Variants in ADH1B observed in about 807,000 individuals in gnomAD.
The protein encoded by ADH1B is alcohol dehydrogenase 1B (class I), beta polypeptide.
In ADH1B, 29 loss-of-function variants were observed where a neutral mutation model predicts 34.6. That is an observed-to-expected ratio of 0.84 (90% CI 0.62 to 1.14). The LOEUF (loss-of-function observed/expected upper bound fraction) is 1.14, where lower values mean the gene tolerates loss of function less well. Ranked by LOEUF, ADH1B falls within the 50% of genes most tolerant of loss-of-function variation. The probability of loss-of-function intolerance (pLI) is 0.00; values close to 1 mark genes in which losing one functional copy is unlikely to be tolerated. For missense variants in ADH1B, 424 were observed against 468.4 expected (o/e 0.91, Z 0.87); for synonymous variants, 170 against 175.5 (o/e 0.97, Z 0.25).
chr4:99,315,885 T>C lies in ADH1B; in HGVS notation c.567+13A>G. 3 of 1,614,180 alleles carry C rather than the reference T, an allele frequency of 1.9e-6. No individual in the cohort carries two copies. The highest frequency in any genetic ancestry group is 2.5e-6 in the Non-Finnish European group (3 of 1,180,000). On this transcript the variant is annotated intron_variant, in intron 5 of 8. Transcript: ENST00000305046. ...TGCATGTAAGCAGTTTTATCACCCA[T>C]TGTCATTCTCACCTTGGCAACGTTA...
Position 99,310,764 on chromosome 4 carries a change from C to T in ADH1B, c.1103+1G>A. The T allele has an allele frequency of 6.2e-7, 1 of 1,606,306 alleles. No individual in the cohort carries two copies. Among genetic ancestry groups the T allele is most frequent in the South Asian group, 1.1e-5 (1 of 89,158 alleles). ...AAACAGAAAACTAACTTAAAATCTA[C>T]CTTTTCCCAGAGTGAAGCAGGTCAA... On this transcript the variant is annotated splice_donor_variant, in intron 8 of 8. Coordinates refer to ENST00000305046, the MANE Select transcript of ADH1B (RefSeq NM_000668.6). LOFTEE classifies it high-confidence loss of function.
chr4:99,321,285 T>G (rs1734020354), intron 1 of ADH1B, 29 bp downstream of exon 1: 1 of 1,589,374 alleles, frequency 6.3e-7, no homozygotes, highest in Non-Finnish European at 8.6e-7. Context: ...TGAGAATATA[T>G]TACCAACAGT....
At chr4:99,311,819 T>C (rs370413008) in intron 6 of ADH1B, among the ~76,000 whole-genome samples, 163 bp from the exon 7 acceptor site, 2 of 152,238 alleles carry the variant, frequency 1.3e-5, no homozygotes, top group South Asian at 2.1e-4. Flanking sequence ...GATAGTGCTG[T>C]GGATTCAGGA....
At position 99,313,948 on chromosome 4, in the gene ADH1B, T is replaced by C. The variant is rs1339187091; in HGVS notation, c.701A>G (p.Lys234Arg). 6.2e-7 allele frequency: 1 copy of C among 1,614,048 alleles called. No homozygotes were observed. Among genetic ancestry groups the C allele is most frequent in the African/African-American group, 1.3e-5 (1 of 74,918 alleles). The change falls in exon 6 of 9, where the codon AAA becomes AGA. Residue 234 changes from lysine (K) to arginine (R), a missense_variant. Lys to Arg is a conservative substitution (Grantham distance 26). Around this residue, in one of 3 missense-constraint regions of ADH1B, gnomAD observed 291 missense variants for 300.4 expected, o/e 0.97. Transcript: ENST00000305046. ...GATGCATTCAGTGGCACCCAACTCT[T>C]TGGCCTTTGCAAATTTGTCCTTGTT... ...DINKDKFAKA[K>R]ELGATECINP...
At position 99,317,773 on chromosome 4, in the gene ADH1B, C is replaced by G. The variant is rs1205823224; in HGVS notation, c.259+273G>C. The G allele has an allele frequency of 1.8e-5, 8 of 443,126 alleles. No homozygotes were observed. The East Asian group carries it at 2.9e-4, about 16-fold the overall frequency. 27.4% of individuals were successfully genotyped at this position (443,126 alleles called of 1,614,324 possible). A position where few individuals can be genotyped will look rare whatever the true frequency, so the allele number is the denominator to read the frequency against. ...TGCCACACTGGTAGGCACTGTGTCT[C>G]TTTTGATCCTCACATATCTCCAGGC... On this transcript the variant is annotated intron_variant, in intron 3 of 8. Transcript: ENST00000305046.
chr4:99,311,025 G>T, intron 7 of ADH1B, 122 bp from the exon 8 acceptor site: 1 of 1,136,220 alleles, frequency 8.8e-7, no homozygotes, highest in Non-Finnish European at 1.3e-6. Flanking sequence ...TATAACTGAG[G>T]ATAAGAAGAG....
Position 99,305,139 on chromosome 4 carries a change from C to CTT in ADH1B, c.*2699_*2700dup, listed in dbSNP as rs201705801. 3.3e-5 allele frequency: 5 copies of CTT among 150,660 alleles called. No individual in the cohort carries two copies. Among genetic ancestry groups the CTT allele is most frequent in the African/African-American group, 1.2e-4 (5 of 40,984 alleles). The allele number at this position is 150,660 out of a possible 1,614,324, so 9.3% of individuals were successfully genotyped here. ...AAAAGCACCAGGATTTTAGAAATAT[C>CTT]TTTTTTTTTGGTCAATCATATATGA... On this transcript the variant is annotated 3_prime_UTR_variant, in exon 9 of 9. Transcript: ENST00000305046.
rs765352854 is a variant in ADH1B at position 99,318,174 on chromosome 4, A to G, written c.131T>C (p.Val44Ala). 6 of 1,614,026 alleles carry G rather than the reference A, an allele frequency of 3.7e-6. No individual in the cohort carries two copies. In the Admixed American group the frequency reaches 5.0e-5, roughly 13 times the overall value. The change falls in exon 3 of 9, where the codon GTA becomes GCA. Residue 44 changes from valine to alanine, a missense_variant. Coordinates refer to ENST00000305046, the MANE Select transcript of ADH1B (RefSeq NM_000668.6). The part of the protein sequence containing the change: ...AYEVRIKMVA[V>A]GICHTDDHVV... ...GTGGTCATCTGTGTGACAGATTCCTACAGCCACCATCTACAGAATAAAGAG... is the reference window on the plus strand; with the variant it reads ...GTGGTCATCTGTGTGACAGATTCCTGCAGCCACCATCTACAGAATAAAGAG...
intron 2 of ADH1B, 158 bp from the exon 3 acceptor site, chr4:99,318,342 G>A: frequency 1.0e-6 from 1 of 956,652 alleles, no homozygotes; most frequent in African/African-American, 1.7e-5. Context: ...TTATCCCCAA[G>A]GTTATTCAGT....
At chr4:99,317,840 A>C in intron 3 of ADH1B, 2 of 732,252 alleles carry the variant, frequency 2.7e-6, no homozygotes, top group Non-Finnish European at 4.3e-6. Flanking sequence ...TCGGTACATA[A>C]TGGTTGAAGG....
At chr4:99,317,021 A>G in intron 3 of ADH1B, 1 of 152,296 alleles carries the variant, frequency 6.6e-6, no homozygotes, top group Non-Finnish European at 1.5e-5. Context: ...TGGAGGGAGT[A>G]GGGGTAAAAA....
chr4:99,305,110 A>G lies in ADH1B; in HGVS notation c.*2730T>C, dbSNP rs952724220. On this transcript the variant is annotated 3_prime_UTR_variant, in exon 9 of 9. Coordinates refer to ENST00000305046, the MANE Select transcript of ADH1B (RefSeq NM_000668.6). ...TTCCTCTTTGGTTGTCTATTTTTAA[A>G]TGAAAAAGCACCAGGATTTTAGAAA... 1 of 151,970 alleles carries G rather than the reference A, an allele frequency of 6.6e-6. No individual in the cohort carries two copies. Among genetic ancestry groups the G allele is most frequent in the African/African-American group, 2.4e-5 (1 of 41,342 alleles). The allele number at this position is 151,970 out of a possible 1,614,324, so 9.4% of individuals were successfully genotyped here.
rs575178909 is a variant in ADH1B, at chr4:99,309,131, T to C, written c.1104-1267A>G. Among the ~76,000 whole-genome samples the C allele has an allele frequency of 2.0e-5, 3 of 152,220 alleles. No homozygotes were observed. The East Asian group carries it at 5.8e-4, about 29-fold the overall frequency. ...TTATTTCTAATAGATGACTGGAATT[T>C]ATGAAATTATTTTCCTTGTGTTGAA... On this transcript the variant is annotated intron_variant, in intron 8 of 8. Coordinates refer to ENST00000305046, the MANE Select transcript of ADH1B (RefSeq NM_000668.6).
intron 5 of ADH1B, 94 bp from the exon 6 acceptor site, chr4:99,314,175 A>G (rs1733823740): frequency 2.0e-6 from 3 of 1,522,716 alleles, no homozygotes; most frequent in Non-Finnish European, 2.6e-6. Flanking sequence ...TTTATCAAGA[A>G]CTACTCAGAC....
chr4:99,316,414 G>T, intron 3 of ADH1B, 112 bp from the exon 4 acceptor site: 1 of 1,097,270 alleles, frequency 9.1e-7, no homozygotes, highest in Non-Finnish European at 1.3e-6. Flanking sequence ...AAGTCTTTAA[G>T]GAATAGAGTT....
chr4:99,314,038 A>C lies in ADH1B; in HGVS notation c.611T>G (p.Val204Gly), dbSNP rs770061958. 22 of 1,614,070 alleles carry C rather than the reference A, an allele frequency of 1.4e-5. No individual in the cohort carries two copies. In the Admixed American group the frequency reaches 3.5e-4, roughly 26 times the overall value. ...ACAGCCCATAACAGCAGATAGGCCG[A>C]CCCCTCCCAGGCCAAACACAGCACA... ...STCAVFGLGG[V>G]GLSAVMGCKA... The change falls in exon 6 of 9, where the codon GTC becomes GGC. Residue 204 changes from valine to glycine, a missense_variant. Around this residue, in one of 3 missense-constraint regions of ADH1B, gnomAD observed 291 missense variants for 300.4 expected, o/e 0.97. Coordinates refer to ENST00000305046, the MANE Select transcript of ADH1B (RefSeq NM_000668.6).
Position 99,310,305 on chromosome 4 carries a change from C to T in ADH1B, c.1103+460G>A, listed in dbSNP as rs754878783. ...AAACTAGTAATATCTACCTAGAAAA[C>T]AATCCCAATGTAGTTCCACCTACTC... On this transcript the variant is annotated intron_variant, in intron 8 of 8. Coordinates refer to ENST00000305046, the MANE Select transcript of ADH1B (RefSeq NM_000668.6). 6 of 418,388 alleles carry T rather than the reference C, an allele frequency of 1.4e-5. No individual in the cohort carries two copies. The East Asian group carries it at 4.2e-4, about 30-fold the overall frequency. 25.9% of individuals were successfully genotyped at this position (418,388 alleles called of 1,614,324 possible). A position where few individuals can be genotyped will look rare whatever the true frequency, so the allele number is the denominator to read the frequency against.
chr4:99,320,647 C>T, intron 1 of ADH1B: 1 of 312,302 alleles, frequency 3.2e-6, no homozygotes, highest in South Asian at 8.2e-5. Context: ...TATTATTATT[C>T]AAATTGTATC....
At chr4:99,317,948 T>G (rs1291024371) in intron 3 of ADH1B, 98 bp downstream of exon 3, 3 of 1,557,992 alleles carry the variant, frequency 1.9e-6, no homozygotes, top group Non-Finnish European at 2.6e-6. Flanking sequence ...GGTGACCTTG[T>G]GCAAGCACTT....
Sources: allele counts gnomAD v4.1 joint callset (sites outside exome capture counted in the v4.1 genomes callset), GRCh38; gene constraint gnomAD v4.1.1; regional missense constraint gnomAD v4.1.1; transcripts MANE v1.5; gene names NCBI Gene and HGNC (gene_info 2026-07-23, HGNC 2026-07-21).